The following HOMER1 variants were observed in gnomAD, a reference collection of about 807,000 sequenced individuals.
HOMER1 encodes the protein homer scaffold protein 1, also known as homer protein homolog 1.
A neutral mutation model predicts 48.9 loss-of-function variants in HOMER1; 3 were observed. That is an observed-to-expected ratio of 0.06 (90% CI 0.03 to 0.16). The LOEUF is 0.16. Ranked by LOEUF, HOMER1 falls within the 10% of genes least tolerant of loss-of-function variation. HOMER1 has a pLI of 1.00. For synonymous variants in HOMER1, 134 were observed against 146.4 expected (o/e 0.92, Z 0.61); for missense variants, 247 against 411.4 (o/e 0.60, Z 3.46).
intron 5 of HOMER1, among the ~76,000 whole-genome samples, chr5:79,402,424 C>T (rs1749556689): frequency 6.6e-6 from 1 of 152,200 alleles, no homozygotes; most frequent in Admixed American, 6.5e-5. Flanking sequence ...CTGCCTCAGC[C>T]TCCCAAAGTA....
intron 1 of HOMER1, among the ~76,000 whole-genome samples, chr5:79,506,621 G>GA (rs1241562175): frequency 2.6e-5 from 4 of 152,146 alleles, no homozygotes; most frequent in Non-Finnish European, 4.4e-5. Flanking sequence ...CGGATCACTT[G>GA]AGTTCAGGAG....
intron 1 of HOMER1, among the ~76,000 whole-genome samples, chr5:79,500,110 C>G (rs1373051419): frequency 6.6e-6 from 1 of 152,012 alleles, no homozygotes; most frequent in East Asian, 1.9e-4. Context: ...AGGACCATTG[C>G]AAAAAAGAAA....
intron 8 of HOMER1, 58 bp from the exon 9 acceptor site, chr5:79,376,255 C>T (rs917470019): frequency 3.1e-6 from 4 of 1,274,138 alleles, no homozygotes; most frequent in Admixed American, 3.9e-5. Context: ...GAAAACAATA[C>T]AACTCTCTGT....
chr5:79,419,005 A>T (rs912571331), intron 5 of HOMER1, among the ~76,000 whole-genome samples: 1 of 152,220 alleles, frequency 6.6e-6, no homozygotes, highest in African/African-American at 2.4e-5. Context: ...AAACAGATTT[A>T]AGTTATTATT....
chr5:79,468,455 T>A (rs543248549), intron 1 of HOMER1, among the ~76,000 whole-genome samples: 19 of 152,356 alleles, frequency 1.2e-4, no homozygotes, highest in South Asian at 2.1e-4. Flanking sequence ...TAATCACTTT[T>A]AAAAAGATAG....
chr5:79,452,313 T>C (rs1751051240), intron 2 of HOMER1, among the ~76,000 whole-genome samples: 1 of 152,254 alleles, frequency 6.6e-6, no homozygotes, highest in African/African-American at 2.4e-5. Context: ...TATTTTAGCA[T>C]GTTACTAAAT....
At position 79,512,800 on chromosome 5, in the gene HOMER1, A is replaced by G. The variant is rs1380153491; in HGVS notation, c.-26T>C. On this transcript the variant is annotated 5_prime_UTR_variant, in exon 1 of 9. Coordinates refer to ENST00000334082, the MANE Select transcript of HOMER1 (RefSeq NM_004272.5). ...TTTGCCCAATGAAAACTTGCTCTGA[A>G]GTTTCAGCTCTTATGCTACGGAATA... 1 of 1,612,828 alleles carries G rather than the reference A, an allele frequency of 6.2e-7. No homozygotes were observed. The highest frequency in any genetic ancestry group is 8.5e-7 in the Non-Finnish European group (1 of 1,179,076).
At chr5:79,504,231 G>A (rs984112657) in intron 1 of HOMER1, among the ~76,000 whole-genome samples, 1 of 152,018 alleles carries the variant, frequency 6.6e-6, no homozygotes, top group Non-Finnish European at 1.5e-5. Flanking sequence ...TGAGCTTAAT[G>A]TATACAGAAC....
At chr5:79,445,884 G>A (rs533122400) in intron 4 of HOMER1, among the ~76,000 whole-genome samples, 6 of 152,242 alleles carry the variant, frequency 3.9e-5, no homozygotes, top group Admixed American at 2.0e-4. Context: ...ACTGCACTCC[G>A]GTCTGGGTGA....
chr5:79,379,115 A>ATATAAAATATATAAATAT (rs1349080228), intron 8 of HOMER1, among the ~76,000 whole-genome samples: 1 of 55,622 alleles, frequency 1.8e-5, no homozygotes, highest in Non-Finnish European at 3.6e-5. Context: ...TATATATATA[A>ATATAAAATATATAAATAT]AATATATAAA....
At position 79,457,034 on chromosome 5, in the gene HOMER1, G is replaced by C. The variant is rs979504272; in HGVS notation, c.6-16C>G. ...AGGTTGTTCCCTGCAGGGCAGAAAA[G>C]AAAATGATGGACTGAAAGCAGCCAG... On this transcript the variant is annotated splice_polypyrimidine_tract_variant and intron_variant, in intron 1 of 8. Transcript: ENST00000334082. The C allele has an allele frequency of 8.1e-6, 13 of 1,613,258 alleles. No homozygotes were observed. Among genetic ancestry groups the C allele is most frequent in the Non-Finnish European group, 1.1e-5 (13 of 1,179,368 alleles).
chr5:79,411,283 G>A (rs984160550), intron 5 of HOMER1, among the ~76,000 whole-genome samples: 27 of 152,056 alleles, frequency 1.8e-4, no homozygotes, highest in Admixed American at 2.6e-4. Context: ...TCAGGAGTTC[G>A]AGGCCAGCCT....
chr5:79,480,311 C>CATTTA lies in HOMER1; in HGVS notation c.6-23298_6-23294dup, dbSNP rs534218672. Among the ~76,000 whole-genome samples, 231 of 152,222 alleles carry CATTTA rather than the reference C, an allele frequency of 1.5e-3. 1 individual carries two copies. The highest frequency in any genetic ancestry group is 5.1e-3 in the African/African-American group (210 of 41,554). On this transcript the variant is annotated intron_variant, in intron 1 of 8. Coordinates refer to ENST00000334082, the MANE Select transcript of HOMER1 (RefSeq NM_004272.5). The stretch of plus-strand genomic sequence containing the variant: ...TGTAAACACCTTATATATATAGTCT[C>CATTTA]ATTTACATTTCAAACAACTCTAAGA...
intron 4 of HOMER1, among the ~76,000 whole-genome samples, chr5:79,442,418 T>C (rs1002443745): frequency 7.2e-5 from 11 of 152,088 alleles, no homozygotes; most frequent in African/African-American, 2.7e-4. Flanking sequence ...AAATGAGAAA[T>C]ATTCTAGAAC....
intron 1 of HOMER1, among the ~76,000 whole-genome samples, chr5:79,495,704 A>G (rs1752401146): frequency 6.6e-6 from 1 of 152,162 alleles, no homozygotes; most frequent in Non-Finnish European, 1.5e-5. Flanking sequence ...TTGATGATCA[A>G]TTTTAAGTTT....
At chr5:79,409,603 T>C (rs1262926803) in intron 5 of HOMER1, among the ~76,000 whole-genome samples, 1 of 152,036 alleles carries the variant, frequency 6.6e-6, no homozygotes, top group African/African-American at 2.4e-5. Context: ...AGGCAATCCA[T>C]GGAAAGAGAG....
intron 1 of HOMER1, among the ~76,000 whole-genome samples, chr5:79,459,340 TTTAA>T (rs1386291426): frequency 1.3e-5 from 2 of 152,234 alleles, no homozygotes; most frequent in Non-Finnish European, 2.9e-5. Context: ...GAGTCATACA[TTTAA>T]TTAATCCACA....
intron 5 of HOMER1, among the ~76,000 whole-genome samples, chr5:79,418,687 G>A (rs1053539495): frequency 1.3e-5 from 2 of 152,122 alleles, no homozygotes; most frequent in African/African-American, 4.8e-5. Context: ...AACTAACACA[G>A]GCTATTAAAT....
intron 1 of HOMER1, among the ~76,000 whole-genome samples, chr5:79,500,031 GA>G (rs1229675838): frequency 2.0e-5 from 3 of 152,156 alleles, no homozygotes; most frequent in African/African-American, 4.8e-5. Context: ...TGAACTGCCT[GA>G]TATGTGCTGC....
Sources: gnomAD v4.1 joint callset for allele counts (sites outside exome capture counted in the v4.1 genomes callset) on GRCh38, gnomAD v4.1.1 for gene constraint, MANE v1.5 for transcripts, NCBI Gene and HGNC (gene_info 2026-07-23, HGNC 2026-07-21) for gene names.